Variants in MBNL1 observed in about 807,000 individuals in gnomAD.
MBNL1 encodes muscleblind like splicing regulator 1.
A neutral mutation model predicts 42.2 loss-of-function variants in MBNL1; 8 were observed. That is an observed-to-expected ratio of 0.19 (90% CI 0.11 to 0.34). MBNL1 has a LOEUF of 0.34. MBNL1 is among the 10% of genes least tolerant of loss of function. The pLI, the probability that MBNL1 is intolerant of heterozygous loss-of-function variation, is 1.00. For missense variants in MBNL1, 309 were observed against 495.3 expected, an observed-to-expected ratio of 0.62 and a Z score of 3.57; for synonymous variants, 169 against 173.9, an observed-to-expected ratio of 0.97 and a Z score of 0.22.
chr3:152,403,468 A>G (rs2098316499), intron 2 of MBNL1, among the ~76,000 whole-genome samples: 2 of 152,078 alleles, frequency 1.3e-5, no homozygotes, highest in Non-Finnish European at 2.9e-5. Flanking sequence ...TTGTATGTTT[A>G]TTGTTAATAT....
At chr3:152,389,351 A>G (rs2097576016) in intron 2 of MBNL1, among the ~76,000 whole-genome samples, 1 of 152,168 alleles carries the variant, frequency 6.6e-6, no homozygotes, top group Non-Finnish European at 1.5e-5. Context: ...AGCCTCCCAA[A>G]GTACTAGGAG....
chr3:152,398,234 C>T (rs1349638946), intron 2 of MBNL1, among the ~76,000 whole-genome samples: 1 of 151,958 alleles, frequency 6.6e-6, no homozygotes, highest in East Asian at 1.9e-4. Flanking sequence ...CTTAGTCACT[C>T]AATTATGATT....
intron 2 of MBNL1, among the ~76,000 whole-genome samples, chr3:152,355,639 G>A (rs1241081838): frequency 6.6e-6 from 1 of 152,144 alleles, no homozygotes; most frequent in African/African-American, 2.4e-5. Flanking sequence ...AATTAGAAAA[G>A]TGTAATTTTT....
intron 2 of MBNL1, among the ~76,000 whole-genome samples, chr3:152,326,195 A>G (rs2079947657): frequency 6.6e-6 from 1 of 152,074 alleles, no homozygotes; most frequent in South Asian, 2.1e-4. Flanking sequence ...GTCCTTTTTT[A>G]ATAGGTACGT....
intron 2 of MBNL1, chr3:152,338,771 G>A (rs2092134794): frequency 7.0e-6 from 6 of 855,614 alleles, no homozygotes; most frequent in South Asian, 5.4e-5. Context: ...GAATGTCCTT[G>A]GGAAACTCTG....
At chr3:152,376,932 CT>C (rs1011479604) in intron 2 of MBNL1, among the ~76,000 whole-genome samples, 14 of 152,186 alleles carry the variant, frequency 9.2e-5, no homozygotes, top group Non-Finnish European at 1.5e-4. Context: ...CTCACTTCCT[CT>C]TTTCCCTTTT....
chr3:152,392,115 G>A (rs1249448891), intron 2 of MBNL1, among the ~76,000 whole-genome samples: 1 of 151,832 alleles, frequency 6.6e-6, no homozygotes, highest in African/African-American at 2.4e-5. Context: ...TAGAGAAGCA[G>A]TTGACATTTA....
upstream of MBNL1, chr3:152,268,292 GA>G (rs1380450282): frequency 6.0e-6 from 1 of 167,762 alleles, no homozygotes; most frequent in African/African-American, 2.4e-5. Context: ...TTTCACTAAG[GA>G]ATTCCAAAAC....
intron 2 of MBNL1, among the ~76,000 whole-genome samples, chr3:152,253,271 C>G (rs758419090): frequency 3.4e-4 from 51 of 152,068 alleles, no homozygotes; most frequent in Non-Finnish European, 6.6e-4. Flanking sequence ...ATTATCCAGG[C>G]CAACAGTATC....
chr3:152,289,375 C>T (rs1276941106), intron 1 of MBNL1, among the ~76,000 whole-genome samples: 2 of 151,876 alleles, frequency 1.3e-5, no homozygotes. Flanking sequence ...GTTGTTTAAT[C>T]TCTGGACCTA....
chr3:152,244,687 A>T (rs2032469242), intron 2 of MBNL1, among the ~76,000 whole-genome samples: 2 of 152,194 alleles, frequency 1.3e-5, no homozygotes, highest in African/African-American at 4.8e-5. Context: ...CTGCAAAATA[A>T]AACGTTATCT....
At chr3:152,343,515 C>A (rs1406486642) in intron 2 of MBNL1, among the ~76,000 whole-genome samples, 1 of 151,998 alleles carries the variant, frequency 6.6e-6, no homozygotes, top group Non-Finnish European at 1.5e-5. Flanking sequence ...GCACCCAATG[C>A]ATGTTTGATA....
At chr3:152,380,699 C>T (rs1055795916) in intron 2 of MBNL1, among the ~76,000 whole-genome samples, 2 of 151,938 alleles carry the variant, frequency 1.3e-5, no homozygotes, top group Non-Finnish European at 1.5e-5. Context: ...TGTACTTTAA[C>T]ACAACTTTAA....
chr3:152,285,629 A>ATTTTT (rs35445762), intron 1 of MBNL1, among the ~76,000 whole-genome samples: 1 of 129,008 alleles, frequency 7.8e-6, no homozygotes. Flanking sequence ...TTTTTTTTCA[A>ATTTTT]TTTTTTTTTT....
intron 1 of MBNL1, among the ~76,000 whole-genome samples, chr3:152,295,229 A>G (rs1208094201): frequency 2.0e-5 from 3 of 152,230 alleles, no homozygotes; most frequent in African/African-American, 7.2e-5. Flanking sequence ...CAGAAAATAA[A>G]TATAATCAGA....
intron 2 of MBNL1, among the ~76,000 whole-genome samples, chr3:152,312,248 T>C (rs952596569): frequency 1.3e-5 from 2 of 151,800 alleles, no homozygotes; most frequent in African/African-American, 4.8e-5. Context: ...GATCATGTTA[T>C]TTAAAATACT....
intron 2 of MBNL1, among the ~76,000 whole-genome samples, chr3:152,409,710 C>T (rs1463880202): frequency 6.6e-6 from 1 of 152,174 alleles, no homozygotes; most frequent in Non-Finnish European, 1.5e-5. Context: ...TAGCCCTGTA[C>T]TTTTCCCATT....
intron 9 of MBNL1, among the ~76,000 whole-genome samples, chr3:152,461,806 T>A (rs1746484660): frequency 6.6e-6 from 1 of 152,220 alleles, no homozygotes; most frequent in Non-Finnish European, 1.5e-5. Flanking sequence ...GCTTAATTCA[T>A]GAGTAATAAT....
intron 2 of MBNL1, among the ~76,000 whole-genome samples, chr3:152,380,893 A>G (rs1431245902): frequency 6.6e-6 from 1 of 152,058 alleles, no homozygotes; most frequent in Non-Finnish European, 1.5e-5. Flanking sequence ...AGCCAATTCT[A>G]AGTTAGAATA....
Sources: gnomAD v4.1 joint callset for allele counts (sites outside exome capture counted in the v4.1 genomes callset) on GRCh38, gnomAD v4.1.1 for gene constraint, MANE v1.5 for transcripts, NCBI Gene and HGNC (gene_info 2026-07-23, HGNC 2026-07-21) for gene names.